KMT2A: variants seen among roughly 807,000 people sequenced by gnomAD.
The protein encoded by KMT2A is histone-lysine N-methyltransferase 2A.
Under a neutral mutation model 345.3 loss-of-function variants are expected in KMT2A, and 16 were observed. That is an observed-to-expected ratio of 0.05 (90% CI 0.03 to 0.07). The LOEUF (loss-of-function observed/expected upper bound fraction) is 0.07. Among genes scored for constraint, KMT2A ranks in the 10% least tolerant of loss-of-function variants. The pLI, the probability that KMT2A is intolerant of heterozygous loss-of-function variation, is 1.00. For missense variants in KMT2A, 3,272 were observed against 4,841.6 expected, an observed-to-expected ratio of 0.68 and a Z score of 9.62; for synonymous variants, 1,599 against 1,778.6, an observed-to-expected ratio of 0.90 and a Z score of 2.54.
chr11:118,436,621 G>T lies in KMT2A; in HGVS notation c.109G>T (p.Ala37Ser). 8.6e-7 allele frequency: 1 copy of T among 1,160,822 alleles called. No individual in the cohort carries two copies. The highest frequency in any genetic ancestry group is 1.1e-6 in the Non-Finnish European group (1 of 939,594). 71.9% of individuals were successfully genotyped at this position (1,160,822 alleles called of 1,614,324 possible). ...LGGAPRQRVP[A>S]LLLPPGPPVG... The stretch of plus-strand genomic sequence containing the variant: ...GGGCGCCCCGCGGCAACGCGTCCCG[G>T]CCCTGCTGCTTCCCCCCGGGCCCCC... The change falls in exon 1 of 36, where the codon GCC becomes TCC. Residue 37 changes from alanine (A) to serine (S), a missense_variant. Physicochemically the swap from Ala to Ser is moderately conservative, Grantham distance 99. Around this residue, in one of 27 missense-constraint regions of KMT2A, gnomAD observed 412 missense variants for 511.0 expected, o/e 0.81. Transcript: ENST00000534358. This position sits in a 1 kb window ranked among gnomAD's most constrained non-coding sequence, Gnocchi z 6.9.
rs764942352 is a variant in KMT2A, at chr11:118,491,266, A to C, written c.4767A>C (p.Gly1589=). ...ATGAGAGTAAGATGATGCAATGTGG[A>C]AAGTGTGATCGCTGGGTCCATTCCA... ...DDYESKMMQC[G]KCDRWVHSKC... Residue 1589 remains glycine, a synonymous_variant, in exon 14 of 36, where the codon GGA becomes GGC. Coordinates refer to ENST00000534358, the MANE Select transcript of KMT2A (RefSeq NM_001197104.2). This position sits in a 1 kb window ranked among gnomAD's most constrained non-coding sequence, Gnocchi z 4.2. 3 of 1,613,996 alleles carry C rather than the reference A, an allele frequency of 1.9e-6. No homozygotes were observed. The highest frequency in any genetic ancestry group is 1.7e-6 in the Non-Finnish European group (2 of 1,179,888).
chr11:118,500,159 G>T (rs918235395), intron 24 of KMT2A, among the ~76,000 whole-genome samples: 1 of 152,128 alleles, frequency 6.6e-6, no homozygotes, highest in African/African-American at 2.4e-5. Flanking sequence ...AACCTTAGTA[G>T]AAAACACAAG....
chr11:118,480,073 T>C, intron 5 of KMT2A, 101 bp from the exon 6 acceptor site: 1 of 900,856 alleles, frequency 1.1e-6, no homozygotes. Flanking sequence ...AATGTGAACC[T>C]GAATACAGAT....
Position 118,509,303 on chromosome 11 carries a change from A to AAG in KMT2A, c.10900+103_10900+104insAG, listed in dbSNP as rs549490812. 1.5e-3 allele frequency: 1,446 copies of AAG among 951,130 alleles called. 14 individuals are homozygous for AAG. The African/African-American group carries it at 0.019, about 12-fold the overall frequency. The allele number at this position is 951,130 out of a possible 1,614,324, so 58.9% of individuals were successfully genotyped here. Reference sequence around the variant, plus strand: ...TTATTTTCTACATTTAAAAAAAAAAATCTAAGCTCCAAAGAAGTTAAGTGA... The same window carrying AAG: ...TTATTTTCTACATTTAAAAAAAAAAAAGTCTAAGCTCCAAAGAAGTTAAGTGA... On this transcript the variant is annotated intron_variant, in intron 29 of 35. Coordinates refer to ENST00000534358, the MANE Select transcript of KMT2A (RefSeq NM_001197104.2).
intron 1 of KMT2A, among the ~76,000 whole-genome samples, chr11:118,453,975 A>G (rs1245380342): frequency 6.6e-6 from 1 of 152,062 alleles, no homozygotes; most frequent in Non-Finnish European, 1.5e-5. Context: ...TTTATCGTCG[A>G]TTTATCTCTT....
rs1279338064 is a variant in KMT2A at position 118,521,679 on chromosome 11, C to T, written c.11644-218C>T. On this transcript the variant is annotated intron_variant, in intron 35 of 35. Transcript: ENST00000534358. The surrounding 1 kb of genome is among the most constrained non-coding windows in gnomAD (Gnocchi z 5.3). Reference sequence around the variant, plus strand: ...AGCTATACAAGTTTTAGGTTTCTCTCTCCTGCAGAGACATTAGAAACCTCT... The same window carrying T: ...AGCTATACAAGTTTTAGGTTTCTCTTTCCTGCAGAGACATTAGAAACCTCT... 6.6e-6 allele frequency among the ~76,000 whole-genome samples: 1 copy of T among 152,184 alleles called. No homozygotes were observed. The highest frequency in any genetic ancestry group is 2.1e-4 in the South Asian group (1 of 4,826).
chr11:118,489,019 G>A (rs1374857412), intron 11 of KMT2A, among the ~76,000 whole-genome samples: 1 of 151,960 alleles, frequency 6.6e-6, no homozygotes. Context: ...CCAGGAGTTC[G>A]AGACCAGCCT....
intron 10 of KMT2A, among the ~76,000 whole-genome samples, chr11:118,487,423 C>T (rs545732630): frequency 5.3e-5 from 8 of 152,210 alleles, no homozygotes; most frequent in African/African-American, 1.4e-4. Context: ...CTCCTCCATG[C>T]GAATTTTTTA....
Position 118,488,688 on chromosome 11 carries a change from C to A in KMT2A, c.4407C>A (p.Asp1469Glu), listed in dbSNP as rs2134327943. 1.4e-5 allele frequency: 23 copies of A among 1,614,128 alleles called. No individual in the cohort carries two copies. The highest frequency in any genetic ancestry group is 1.9e-5 in the Non-Finnish European group (22 of 1,180,008). ...AGGAGAACGAGCGCCCTCTGGAGGA[C>A]CAGCTGGAAAATTGGTGTTGTCGTC... Reference protein sequence around the residue: ...CLEENERPLEDQLENWCCRRC... With the variant: ...CLEENERPLEEQLENWCCRRC... The change falls in exon 11 of 36, where the codon GAC becomes GAA. Residue 1469 changes from aspartate (D) to glutamate (E), a missense_variant. Physicochemically the swap from Asp to Glu is conservative, Grantham distance 45. Around this residue, in one of 27 missense-constraint regions of KMT2A, gnomAD observed 120 missense variants for 280.4 expected, o/e 0.43. Transcript: ENST00000534358.
Position 118,510,809 on chromosome 11 carries a change from G to T in KMT2A, c.11071+691G>T, listed in dbSNP as rs1950671945. On this transcript the variant is annotated intron_variant, in intron 30 of 35. Transcript: ENST00000534358. The surrounding 1 kb of genome is among the most constrained non-coding windows in gnomAD (Gnocchi z 4.1). ...GTTCAAAGAAGAGAAAGGTCACCAT[G>T]GGTGAGTTAGGGTTATCAAAAACCC... 6.6e-6 allele frequency among the ~76,000 whole-genome samples: 1 copy of T among 152,166 alleles called. No homozygotes were observed. The highest frequency in any genetic ancestry group is 1.9e-4 in the East Asian group (1 of 5,196).
At chr11:118,492,372 A>C (rs1344603960) in intron 15 of KMT2A, among the ~76,000 whole-genome samples, 1 of 152,210 alleles carries the variant, frequency 6.6e-6, no homozygotes, top group Non-Finnish European at 1.5e-5. Context: ...CACATTTATA[A>C]AGTAGTCATT....
In KMT2A at chr11:118,504,251, C is replaced by T; in HGVS notation, c.8359C>T (p.His2787Tyr). ...AAATGAGCCAAAGATGGATAACTGC[C>T]ATTCTGTAAGCAGAGTTAAAACACA... ...HKNEPKMDNC[H>Y]SVSRVKTQGQ... Residue 2787 changes from histidine (H) to tyrosine (Y), a missense_variant, in exon 27 of 36, where the codon CAT becomes TAT. Transcript: ENST00000534358. This position sits in a 1 kb window ranked among gnomAD's most constrained non-coding sequence, Gnocchi z 6.4. 1.2e-6 allele frequency: 2 copies of T among 1,614,122 alleles called. No individual in the cohort carries two copies.
rs2134265379 is a variant in KMT2A at position 118,473,119 on chromosome 11, C to T, written c.1960C>T (p.Pro654Ser). 1 of 1,614,176 alleles carries T rather than the reference C, an allele frequency of 6.2e-7. No individual in the cohort carries two copies. The highest frequency in any genetic ancestry group is 8.5e-7 in the Non-Finnish European group (1 of 1,180,042). ...ACCAATATTTGATAATTTCCGACCC[C>T]CTCCACTAACTCCCGAGGACGTTGG... ...RKPIFDNFRP[P>S]PLTPEDVGFA... The change falls in exon 3 of 36, where the codon CCT (proline) becomes TCT (serine). Residue 654 changes from proline (P) to serine (S), a missense_variant. Around this residue, in one of 27 missense-constraint regions of KMT2A, gnomAD observed 114 missense variants for 203.2 expected, o/e 0.56. Transcript: ENST00000534358. The surrounding 1 kb of genome is among the most constrained non-coding windows in gnomAD (Gnocchi z 5.2).
chr11:118,499,197 A>C, intron 22 of KMT2A, 106 bp from the exon 23 acceptor site: 1 of 748,794 alleles, frequency 1.3e-6, no homozygotes, highest in Non-Finnish European at 2.4e-6. Flanking sequence ...AAACAGAAGG[A>C]TGCTTTTGAG....
chr11:118,482,629 G>T, intron 8 of KMT2A, 134 bp downstream of exon 8: 1 of 635,450 alleles, frequency 1.6e-6, no homozygotes, highest in Non-Finnish European at 2.7e-6. Context: ...TAGGCTTTTA[G>T]CTGGGCACGG....
chr11:118,509,885 A>T, intron 29 of KMT2A, 63 bp from the exon 30 acceptor site: 1 of 1,214,360 alleles, frequency 8.2e-7, no homozygotes, highest in Non-Finnish European at 1.2e-6. Context: ...AAAGTACTCT[A>T]CATGTAGTCA....
chr11:118,509,924 C>G (rs782585584), intron 29 of KMT2A, 24 bp from the exon 30 acceptor site: 2 of 1,563,252 alleles, frequency 1.3e-6, no homozygotes, highest in Non-Finnish European at 1.7e-6. Flanking sequence ...TTACTGCAAC[C>G]ACTATCTATT....
intron 1 of KMT2A, among the ~76,000 whole-genome samples, chr11:118,441,643 T>C (rs1170993071): frequency 1.3e-5 from 2 of 152,214 alleles, no homozygotes; most frequent in Non-Finnish European, 2.9e-5. Flanking sequence ...TCTGAAGTGA[T>C]AGTACCTACT....
chr11:118,500,014 A>C (rs1035105885), intron 24 of KMT2A, 101 bp downstream of exon 24: 1 of 727,764 alleles, frequency 1.4e-6, no homozygotes, highest in Non-Finnish European at 2.4e-6. Context: ...TAGCTACTTT[A>C]AACTGCTACT....
Sources: allele counts gnomAD v4.1 joint callset (sites outside exome capture counted in the v4.1 genomes callset), GRCh38; gene constraint gnomAD v4.1.1; regional missense constraint gnomAD v4.1.1; non-coding constraint Gnocchi (gnomAD v3.1); transcripts MANE v1.5; gene names NCBI Gene and HGNC (gene_info 2026-07-23, HGNC 2026-07-21).